The following CHFR variants were observed in gnomAD, a reference collection of about 807,000 sequenced individuals.
CHFR encodes the protein E3 ubiquitin-protein ligase CHFR.
In CHFR, 57 loss-of-function variants were observed where a neutral mutation model predicts 87.6. The observed-to-expected ratio is 0.65, with a 90% CI of 0.53 to 0.81. The LOEUF (loss-of-function observed/expected upper bound fraction) is 0.81, where lower values mean the gene tolerates loss of function less well. CHFR is among the 30% of genes least tolerant of loss of function. The pLI is 0.00. For missense variants in CHFR, 797 were observed against 865.8 expected, an observed-to-expected ratio of 0.92 and a Z score of 1.00; for synonymous variants, 381 against 359.2, an observed-to-expected ratio of 1.06 and a Z score of -0.69.
At chr12:132,844,439 C>T (rs1300672778) in intron 15 of CHFR, among the ~76,000 whole-genome samples, 1 of 149,222 alleles carries the variant, frequency 6.7e-6, no homozygotes, top group African/African-American at 2.4e-5. Flanking sequence ...TGCCCGCCAC[C>T]ACACCGGGCT....
intron 12 of CHFR, 131 bp downstream of exon 12, chr12:132,851,487 T>C: frequency 3.7e-6 from 4 of 1,089,360 alleles, no homozygotes; most frequent in Admixed American, 5.1e-5. Flanking sequence ...TGGGGAAAAC[T>C]GATCACACTG....
intron 5 of CHFR, 181 bp from the exon 6 acceptor site, chr12:132,869,979 C>T (rs1951447175): frequency 3.0e-6 from 2 of 674,256 alleles, no homozygotes; most frequent in Non-Finnish European, 5.0e-6. Context: ...GAAGTCGAGG[C>T]AGGTGTATCT....
intron 7 of CHFR, among the ~76,000 whole-genome samples, chr12:132,859,977 G>A (rs1315444134): frequency 6.6e-6 from 1 of 152,138 alleles, no homozygotes; most frequent in African/African-American, 2.4e-5. Context: ...CCCAGGAGGT[G>A]GAGGCTGCAG....
chr12:132,869,110 G>C (rs1409301732), intron 6 of CHFR, among the ~76,000 whole-genome samples: 1 of 14,274 alleles, frequency 7.0e-5, no homozygotes, highest in South Asian at 4.1e-3. Context: ...CATGGGGAGT[G>C]ACTGCTGGTG....
rs1209498593 is a variant in CHFR, at chr12:132,836,755, G to A, written c.*4799C>T. 1.1e-4 allele frequency: 49 copies of A among 455,948 alleles called. No homozygotes were observed. Among genetic ancestry groups the A allele is most frequent in the Non-Finnish European group, 9.7e-5 (22 of 226,808 alleles). The allele number at this position is 455,948 out of a possible 1,614,324, so 28.2% of individuals were successfully genotyped here. The stretch of plus-strand genomic sequence containing the variant: ...AAAAGTGAGCGACAGAGGAAGGGGC[G>A]CCTGTTTGTGCCGCGGGAAAGATTT... On this transcript the variant is annotated 3_prime_UTR_variant, in exon 18 of 18. Transcript: ENST00000450056.
intron 3 of CHFR, among the ~76,000 whole-genome samples, chr12:132,877,163 T>C (rs1419374153): frequency 6.6e-6 from 1 of 152,160 alleles, no homozygotes; most frequent in Non-Finnish European, 1.5e-5. Flanking sequence ...TATCATATTT[T>C]TACTGCACCT....
intron 2 of CHFR, among the ~76,000 whole-genome samples, chr12:132,883,552 T>C (rs1951817157): frequency 6.6e-6 from 1 of 150,922 alleles, no homozygotes; most frequent in Admixed American, 6.6e-5. Context: ...GGTGAAACCC[T>C]GTCTCTACTA....
intron 7 of CHFR, among the ~76,000 whole-genome samples, chr12:132,859,619 G>A (rs1226084299): frequency 6.6e-6 from 1 of 152,162 alleles, no homozygotes; most frequent in Admixed American, 6.5e-5. Flanking sequence ...CAAAGTACTA[G>A]GGTAACAGGT....
chr12:132,854,170 C>T (rs1468552286), intron 10 of CHFR: 1 of 152,220 alleles, frequency 6.6e-6, no homozygotes, highest in Non-Finnish European at 1.5e-5. Context: ...TAAGACCCAA[C>T]CAGGTAAAAA....
chr12:132,873,488 GA>G (rs1402282574), intron 3 of CHFR, among the ~76,000 whole-genome samples: 2 of 152,182 alleles, frequency 1.3e-5, no homozygotes, highest in African/African-American at 4.8e-5. Flanking sequence ...CAATGAGAGG[GA>G]ATGAATCCCA....
At position 132,834,599 on chromosome 12, in the gene CHFR, G is replaced by A. The variant is rs985962954; in HGVS notation, c.*6955C>T. The A allele has an allele frequency of 3.9e-5, 6 of 152,186 alleles. No homozygotes were observed. The highest frequency in any genetic ancestry group is 1.9e-4 in the East Asian group (1 of 5,176). The allele number at this position is 152,186 out of a possible 1,614,324, so 9.4% of individuals were successfully genotyped here. On this transcript the variant is annotated 3_prime_UTR_variant, in exon 18 of 18. Coordinates refer to ENST00000450056, the MANE Select transcript of CHFR (RefSeq NM_001161346.2). ...GGAGATCTGTTTTCTTTTCTGCTTC[G>A]ACAGCCTGCCCTCCTCTCCTGGCTG...
At chr12:132,880,424 AGGGG>A (rs530735263) in intron 2 of CHFR, among the ~76,000 whole-genome samples, 2 of 150,782 alleles carry the variant, frequency 1.3e-5, no homozygotes, top group Non-Finnish European at 3.0e-5. Context: ...TGGGAGGCCA[AGGGG>A]GGGGCGGATC....
chr12:132,882,022 C>T (rs1951780720), intron 2 of CHFR, among the ~76,000 whole-genome samples: 1 of 152,164 alleles, frequency 6.6e-6, no homozygotes, highest in South Asian at 2.1e-4. Flanking sequence ...AGACACTGGC[C>T]ACGTGGCCCA....
intron 12 of CHFR, chr12:132,849,314 C>A (rs1439873075): frequency 1.3e-5 from 2 of 151,572 alleles, no homozygotes; most frequent in African/African-American, 4.9e-5. Context: ...GGCCTCAGAC[C>A]CGTATCGTTT....
At chr12:132,855,059 T>C (rs1485333721) in intron 10 of CHFR, 1 of 151,820 alleles carries the variant, frequency 6.6e-6, no homozygotes, top group Non-Finnish European at 1.5e-5. Flanking sequence ...CTGGCCAACA[T>C]GGTGAAACTC....
At chr12:132,846,550 G>A (rs1306972246) in intron 15 of CHFR, among the ~76,000 whole-genome samples, 1 of 110,258 alleles carries the variant, frequency 9.1e-6, no homozygotes, top group Non-Finnish European at 2.2e-5. Context: ...GATTACAGGC[G>A]TGAGCCACCA....
chr12:132,856,716 C>A, intron 9 of CHFR, 86 bp from the exon 10 acceptor site: 6 of 1,437,332 alleles, frequency 4.2e-6, no homozygotes, highest in Non-Finnish European at 5.9e-6. Flanking sequence ...CTCGCGTGCG[C>A]AGTGCTGCGG....
intron 17 of CHFR, among the ~76,000 whole-genome samples, chr12:132,841,831 C>T (rs982230560): frequency 1.3e-5 from 2 of 152,080 alleles, no homozygotes; most frequent in South Asian, 2.1e-4. Context: ...CATCTGGCCA[C>T]GCACAGTGGC....
Position 132,859,124 on chromosome 12 carries a change from C to T in CHFR, c.855G>A (p.Lys285=), listed in dbSNP as rs1312306793. The change falls in exon 8 of 18, where the codon AAG becomes AAA. Residue 285 remains lysine (K), a synonymous_variant. Transcript: ENST00000450056. The stretch of plus-strand genomic sequence containing the variant: ...TGATGCATGTCAGCGTCTCCTCCAT[C>T]TTGTCTGGCTTCCCAGCCGCTGCTC... ...DVRAAAGKPD[K]MEETLTCIIC... 1.5e-5 allele frequency: 24 copies of T among 1,614,042 alleles called. No individual in the cohort carries two copies. In the Admixed American group the frequency reaches 3.5e-4, roughly 24 times the overall value.
Sources: allele counts gnomAD v4.1 joint callset (sites outside exome capture counted in the v4.1 genomes callset), GRCh38; gene constraint gnomAD v4.1.1; transcripts MANE v1.5; gene names NCBI Gene and HGNC (gene_info 2026-07-23, HGNC 2026-07-21).